Variants in PKNOX2 observed in about 807,000 individuals in gnomAD.
PKNOX2 encodes the protein homeobox protein PKNOX2.
In PKNOX2, 14 loss-of-function variants were observed where a neutral mutation model predicts 53.1. That is an observed-to-expected ratio of 0.26 (90% CI 0.17 to 0.41). PKNOX2 has a LOEUF of 0.41. Ranked by LOEUF, PKNOX2 falls within the 10% of genes least tolerant of loss-of-function variation. The probability of loss-of-function intolerance (pLI) is 1.00; values close to 1 mark genes in which losing one functional copy is unlikely to be tolerated. For synonymous variants in PKNOX2, 257 were observed against 242.8 expected (o/e 1.06, Z -0.54); for missense variants, 496 against 602.8 (o/e 0.82, Z 1.85).
chr11:125,309,160 C>CTTTCT (rs1565493525), intron 2 of PKNOX2, among the ~76,000 whole-genome samples: 1 of 130,302 alleles, frequency 7.7e-6, no homozygotes, highest in African/African-American at 3.7e-5. Context: ...TCTTTCTTTC[C>CTTTCT]TTCCTTCCTT....
intron 1 of PKNOX2, among the ~76,000 whole-genome samples, chr11:125,202,252 G>A (rs1938537942): frequency 6.6e-6 from 1 of 152,210 alleles, no homozygotes; most frequent in Admixed American, 6.5e-5. Flanking sequence ...AGGGCCAGGG[G>A]CCAGCCAGGC....
At chr11:125,289,708 G>C (rs1947180900) in intron 2 of PKNOX2, among the ~76,000 whole-genome samples, 1 of 152,090 alleles carries the variant, frequency 6.6e-6, no homozygotes, top group African/African-American at 2.4e-5. Context: ...GCCAGAGCAG[G>C]GGTATCGTCC....
chr11:125,208,358 T>A (rs879676599), intron 1 of PKNOX2, among the ~76,000 whole-genome samples: 3 of 152,078 alleles, frequency 2.0e-5, no homozygotes, highest in Non-Finnish European at 4.4e-5. Context: ...TTGGGAGGTT[T>A]TCTATGCCAG....
chr11:125,222,441 C>G (rs375225487), intron 1 of PKNOX2, among the ~76,000 whole-genome samples: 2 of 152,040 alleles, frequency 1.3e-5, no homozygotes, highest in South Asian at 4.2e-4. Context: ...GATTATAGCC[C>G]CTTCTCACAA....
intron 1 of PKNOX2, among the ~76,000 whole-genome samples, chr11:125,233,603 G>A (rs1942416228): frequency 6.6e-6 from 1 of 152,182 alleles, no homozygotes; most frequent in Admixed American, 6.5e-5. Context: ...CCAGTGGTCT[G>A]GTTCCGCCTC....
chr11:125,271,849 A>G (rs1945815787), intron 2 of PKNOX2, among the ~76,000 whole-genome samples: 2 of 152,096 alleles, frequency 1.3e-5, no homozygotes, highest in Non-Finnish European at 2.9e-5. Flanking sequence ...CTCCATTTGG[A>G]GCCATTGATG....
chr11:125,260,193 GGTTT>G (rs1484065030), intron 2 of PKNOX2, among the ~76,000 whole-genome samples: 4 of 150,962 alleles, frequency 2.6e-5, no homozygotes, highest in African/African-American at 9.8e-5. Context: ...TTTGTTTTAT[GGTTT>G]GTTTGTCTGC....
At chr11:125,219,560 A>T (rs1034496560) in intron 1 of PKNOX2, among the ~76,000 whole-genome samples, 8 of 152,254 alleles carry the variant, frequency 5.3e-5, no homozygotes, top group African/African-American at 1.4e-4. Context: ...AATTAACAAC[A>T]ACAAAAACAC....
intron 3 of PKNOX2, among the ~76,000 whole-genome samples, chr11:125,335,851 T>C (rs1950409492): frequency 6.6e-6 from 1 of 151,972 alleles, no homozygotes; most frequent in Non-Finnish European, 1.5e-5. Flanking sequence ...ATAAGAGGCA[T>C]GCATCTTGCA....
At chr11:125,332,180 G>A (rs1276982235) in intron 3 of PKNOX2, among the ~76,000 whole-genome samples, 1 of 152,268 alleles carries the variant, frequency 6.6e-6, no homozygotes, top group South Asian at 2.1e-4. Context: ...AACAATAAAT[G>A]GTGGTTGATA....
At chr11:125,354,575 G>T (rs1242815026) in intron 4 of PKNOX2, among the ~76,000 whole-genome samples, 1 of 152,138 alleles carries the variant, frequency 6.6e-6, no homozygotes, top group Admixed American at 6.5e-5. Context: ...TTGTGCTAAG[G>T]GCTAGCAATA....
rs893834711 is a variant in PKNOX2, at chr11:125,222,745, C to A, written c.-200-12300C>A. 1.5e-4 allele frequency among the ~76,000 whole-genome samples: 21 copies of A among 139,276 alleles called. No homozygotes were observed. In the South Asian group the frequency reaches 4.6e-3, roughly 31 times the overall value. 91.4% of individuals were successfully genotyped at this position (139,276 alleles called of 152,430 possible). The stretch of plus-strand genomic sequence containing the variant: ...TGTGTGTATGTGTGTGTGTCTGTGT[C>A]TGTGTGCCTGTGTATGTGTGTATGT... On this transcript the variant is annotated intron_variant, in intron 1 of 12. Coordinates refer to ENST00000298282, the MANE Select transcript of PKNOX2 (RefSeq NM_001382323.2).
At chr11:125,384,039 G>A (rs1953444312) in intron 5 of PKNOX2, among the ~76,000 whole-genome samples, 2 of 152,214 alleles carry the variant, frequency 1.3e-5, no homozygotes, top group African/African-American at 4.8e-5. Context: ...TTTTGGAACT[G>A]CAGTGGAAGG....
intron 2 of PKNOX2, among the ~76,000 whole-genome samples, chr11:125,241,403 C>A (rs1943136526): frequency 6.6e-6 from 1 of 152,216 alleles, no homozygotes; most frequent in African/African-American, 2.4e-5. Flanking sequence ...CAGCCTCCCC[C>A]ATCCCTATGC....
chr11:125,384,255 C>T (rs762763824), intron 5 of PKNOX2, among the ~76,000 whole-genome samples: 12 of 152,192 alleles, frequency 7.9e-5, no homozygotes, highest in Admixed American at 2.0e-4. Flanking sequence ...GATTCCTTCC[C>T]TCATGTAGCT....
intron 10 of PKNOX2, among the ~76,000 whole-genome samples, chr11:125,415,851 C>T (rs1044374452): frequency 1.3e-5 from 2 of 152,136 alleles, no homozygotes; most frequent in Non-Finnish European, 2.9e-5. Flanking sequence ...AAGAAACAAC[C>T]ATTCAAAAGA....
intron 2 of PKNOX2, among the ~76,000 whole-genome samples, chr11:125,294,789 G>A (rs1233620492): frequency 3.9e-5 from 6 of 152,214 alleles, no homozygotes; most frequent in Non-Finnish European, 7.3e-5. Flanking sequence ...CAAGGCTGTT[G>A]TGCAGATTAC....
At position 125,352,522 on chromosome 11, in the gene PKNOX2, C is replaced by T. The variant is rs1292726352; in HGVS notation, c.87+1130C>T. Among the ~76,000 whole-genome samples the T allele has an allele frequency of 6.6e-6, 1 of 152,194 alleles. No individual in the cohort carries two copies. The highest frequency in any genetic ancestry group is 1.9e-4 in the East Asian group (1 of 5,198). On this transcript the variant is annotated intron_variant, in intron 4 of 12. Coordinates refer to ENST00000298282, the MANE Select transcript of PKNOX2 (RefSeq NM_001382323.2). The surrounding 1 kb of genome is among the most constrained non-coding windows in gnomAD (Gnocchi z 4.1). Reference sequence around the variant, plus strand: ...GCAGCATGAAAGGGGTCTTAAGATGCAGATGCCAGGCTTGTGCTCACTATG... The same window carrying T: ...GCAGCATGAAAGGGGTCTTAAGATGTAGATGCCAGGCTTGTGCTCACTATG...
chr11:125,364,814 A>G (rs902127065), intron 4 of PKNOX2, among the ~76,000 whole-genome samples: 1 of 152,178 alleles, frequency 6.6e-6, no homozygotes, highest in Non-Finnish European at 1.5e-5. Flanking sequence ...GGTGATTATT[A>G]AAACACCCTC....
Sources: gnomAD v4.1 joint callset for allele counts (sites outside exome capture counted in the v4.1 genomes callset) on GRCh38, gnomAD v4.1.1 for gene constraint, Gnocchi (gnomAD v3.1) non-coding constraint, MANE v1.5 for transcripts, NCBI Gene and HGNC (gene_info 2026-07-23, HGNC 2026-07-21) for gene names.